RUBCN: variants seen among roughly 807,000 people sequenced by gnomAD.
RUBCN encodes the protein rubicon autophagy regulator.
RUBCN carries 74 observed loss-of-function variants against 113.2 expected under a neutral mutation model. That is an observed-to-expected ratio of 0.65 (90% confidence interval 0.54 to 0.79). The LOEUF is 0.79. Ranked by LOEUF, RUBCN falls within the 30% of genes least tolerant of loss-of-function variation. The probability of loss-of-function intolerance (pLI) is 0.00; values close to 1 mark genes in which losing one functional copy is unlikely to be tolerated. For missense variants in RUBCN, 1,109 were observed against 1,251.7 expected, an observed-to-expected ratio of 0.89 and a Z score of 1.72; for synonymous variants, 480 against 490.0, an observed-to-expected ratio of 0.98 and a Z score of 0.27.
rs1184007203 is a variant in RUBCN, at chr3:197,674,519, G to C, written c.*499C>G. On this transcript the variant is annotated 3_prime_UTR_variant, in exon 20 of 20. Coordinates refer to ENST00000296343, the MANE Select transcript of RUBCN (RefSeq NM_014687.4). ...CCATGACGTAGTCCTATTCTCTGCT[G>C]CTTCTCCTCGGGGCACAGTCTGACC... 2 of 514,006 alleles carry C rather than the reference G, an allele frequency of 3.9e-6. No homozygotes were observed. The highest frequency in any genetic ancestry group is 8.0e-6 in the Non-Finnish European group (2 of 250,298). The allele number at this position is 514,006 out of a possible 1,614,324, so 31.8% of individuals were successfully genotyped here.
intron 2 of RUBCN, among the ~76,000 whole-genome samples, chr3:197,717,265 A>C (rs761662965): frequency 6.6e-6 from 1 of 151,874 alleles, no homozygotes; most frequent in Non-Finnish European, 1.5e-5. Context: ...AACACGGTGA[A>C]ACCCCGTCTC....
At chr3:197,693,877 A>G (rs951959052) in intron 10 of RUBCN, 61 bp from the exon 11 acceptor site, 10 of 1,115,782 alleles carry the variant, frequency 9.0e-6, no homozygotes, top group Non-Finnish European at 1.2e-5. Context: ...TTGTCCTTCC[A>G]GTGTCACAAT....
At chr3:197,722,446 A>G (rs1726272353) in intron 1 of RUBCN, among the ~76,000 whole-genome samples, 1 of 151,832 alleles carries the variant, frequency 6.6e-6, no homozygotes. Flanking sequence ...ATATAGTTTA[A>G]CACTGCTGTT....
At chr3:197,676,512 C>A in intron 18 of RUBCN, 1 of 772,024 alleles carries the variant, frequency 1.3e-6, no homozygotes, top group Non-Finnish European at 1.7e-6. Context: ...GGGGTTTCAT[C>A]ATGTTCGTCA....
At position 197,703,662 on chromosome 3, in the gene RUBCN, G is replaced by C. The variant is rs1361350395; in HGVS notation, c.464-8C>G. On this transcript the variant is annotated splice_polypyrimidine_tract_variant and splice_region_variant and intron_variant, in intron 4 of 19. Transcript: ENST00000296343. ...TTAGCAGGAAGGCAGCATCTGGGGA[G>C]AGAAAAGCTGCCACAGTGATAGAGC... is the stretch of plus-strand genomic sequence containing the variant. 8 of 1,589,032 alleles carry C rather than the reference G, an allele frequency of 5.0e-6. No individual in the cohort carries two copies. The highest frequency in any genetic ancestry group is 6.9e-6 in the Non-Finnish European group (8 of 1,157,892).
chr3:197,717,156 T>C (rs552413102), intron 2 of RUBCN, among the ~76,000 whole-genome samples: 5 of 145,620 alleles, frequency 3.4e-5, no homozygotes, highest in East Asian at 2.1e-4. Context: ...GGCAGAGAGC[T>C]GGGTGCGGTG....
Position 197,674,939 on chromosome 3 carries a change from T to C in RUBCN, c.*79A>G. 2.2e-6 allele frequency: 2 copies of C among 921,186 alleles called. No individual in the cohort carries two copies. Among genetic ancestry groups the C allele is most frequent in the Non-Finnish European group, 2.9e-6 (2 of 694,948 alleles). The allele number at this position is 921,186 out of a possible 1,614,324, so 57.1% of individuals were successfully genotyped here. ...AAAAAAAAAAAAAAGAAGCCCCAGG[T>C]GGGGCGAGTCCTTCAAAGAGTGGCT... is the stretch of plus-strand genomic sequence containing the variant. On this transcript the variant is annotated 3_prime_UTR_variant, in exon 20 of 20. Transcript: ENST00000296343.
At chr3:197,747,942 T>A (rs1728821371) in intron 1 of RUBCN, among the ~76,000 whole-genome samples, 1 of 151,458 alleles carries the variant, frequency 6.6e-6, no homozygotes, top group Admixed American at 6.6e-5. Flanking sequence ...TTTTTTTTTT[T>A]TTTATTTGAG....
intron 1 of RUBCN, among the ~76,000 whole-genome samples, chr3:197,724,746 A>G (rs1726539811): frequency 6.6e-6 from 1 of 152,260 alleles, no homozygotes; most frequent in Non-Finnish European, 1.5e-5. Flanking sequence ...TATAAAAAGC[A>G]GAATGTAAAA....
At chr3:197,717,254 T>TAA (rs1725631802) in intron 2 of RUBCN, among the ~76,000 whole-genome samples, 2 of 151,470 alleles carry the variant, frequency 1.3e-5, no homozygotes, top group Non-Finnish European at 2.9e-5. Flanking sequence ...CCATCCTGGC[T>TAA]AACACGGTGA....
intron 1 of RUBCN, among the ~76,000 whole-genome samples, chr3:197,748,603 T>C (rs1728861903): frequency 6.6e-6 from 1 of 152,234 alleles, no homozygotes; most frequent in Admixed American, 6.5e-5. Context: ...GGAAACATAA[T>C]CTGTGTGAAG....
At chr3:197,721,000 C>T (rs1344224663) in intron 1 of RUBCN, among the ~76,000 whole-genome samples, 11 of 151,768 alleles carry the variant, frequency 7.2e-5, no homozygotes, top group African/African-American at 2.2e-4. Flanking sequence ...TAATGTGCAG[C>T]GATTAGATTT....
At position 197,700,960 on chromosome 3, in the gene RUBCN, G is replaced by A; in HGVS notation, c.914C>T (p.Ala305Val). The A allele has an allele frequency of 6.2e-7, 1 of 1,614,220 alleles. No homozygotes were observed. The highest frequency in any genetic ancestry group is 1.1e-5 in the South Asian group (1 of 91,084). The change falls in exon 7 of 20, where the codon GCA (alanine) becomes GTA (valine). Residue 305 changes from alanine (A) to valine (V), a missense_variant. Transcript: ENST00000296343. ...ATCATTCTGGCTGCTGACCCAGGAT[G>A]CCTCTATGGGGCTGGTCAGAGTACT... Reference protein sequence around the residue: ...SSSTLTSPIEASWVSSQNDSP... With the variant: ...SSSTLTSPIEVSWVSSQNDSP...
rs1456101283 is a variant in RUBCN at position 197,697,035 on chromosome 3, T to C, written c.1276A>G (p.Lys426Glu). 6.3e-7 allele frequency: 1 copy of C among 1,589,676 alleles called. No individual in the cohort carries two copies. The highest frequency in any genetic ancestry group is 8.6e-7 in the Non-Finnish European group (1 of 1,157,764). Residue 426 changes from lysine (K) to glutamate (E), a missense_variant, in exon 8 of 20, where the codon AAG becomes GAG. Lys to Glu is a moderately conservative substitution (Grantham distance 56). Coordinates refer to ENST00000296343, the MANE Select transcript of RUBCN (RefSeq NM_014687.4). ...GGCAAAGGGCCTCTCAACTTCGCCT[T>C]ATCATTGCAGGATTCTAATGACGAT... The part of the protein sequence containing the change: ...SRGAPESCND[K>E]AKLRGPLPYS...
Position 197,701,805 on chromosome 3 carries a change from C to T in RUBCN, c.630G>A (p.Leu210=). The change falls in exon 6 of 20, where the codon CTG becomes CTA. Residue 210 remains leucine, a synonymous_variant. Transcript: ENST00000296343. ...LVTKSQSLTA[L]PSSTYTPPNS... is the part of the protein sequence containing the mutation. ...TTGGAGGGGTGTATGTGGAACTGGGCAGGGCTGTCAGGCTCTGGCTCTTTG... is the reference window on the plus strand; with the variant it reads ...TTGGAGGGGTGTATGTGGAACTGGGTAGGGCTGTCAGGCTCTGGCTCTTTG... 6.2e-7 allele frequency: 1 copy of T among 1,614,156 alleles called. No individual in the cohort carries two copies. Among genetic ancestry groups the T allele is most frequent in the Non-Finnish European group, 8.5e-7 (1 of 1,179,992 alleles).
At chr3:197,724,159 T>C (rs1726475672) in intron 1 of RUBCN, among the ~76,000 whole-genome samples, 1 of 152,150 alleles carries the variant, frequency 6.6e-6, no homozygotes, top group African/African-American at 2.4e-5. Context: ...ATCCCTCCTT[T>C]AAAGAGGAAC....
In RUBCN at chr3:197,681,922, C is replaced by A. The variant is rs745598513; in HGVS notation, c.2127-23G>T. The A allele has an allele frequency of 6.2e-7, 1 of 1,603,326 alleles. No individual in the cohort carries two copies. The highest frequency in any genetic ancestry group is 8.5e-7 in the Non-Finnish European group (1 of 1,170,398). ...CTCCTGAGGAAGGGTAAGGACAGGG[C>A]ATTGGCACAGAGCAGCTGCGTGAGA... On this transcript the variant is annotated intron_variant, in intron 14 of 19. Coordinates refer to ENST00000296343, the MANE Select transcript of RUBCN (RefSeq NM_014687.4). The surrounding 1 kb of genome is among the most constrained non-coding windows in gnomAD (Gnocchi z 5.5).
rs971043500 is a variant in RUBCN, at chr3:197,723,806, C to G, written c.66-5676G>C. Among the ~76,000 whole-genome samples, 5 of 152,098 alleles carry G rather than the reference C, an allele frequency of 3.3e-5. No homozygotes were observed. The East Asian group carries it at 9.6e-4, about 29-fold the overall frequency. On this transcript the variant is annotated intron_variant, in intron 1 of 19. Coordinates refer to ENST00000296343, the MANE Select transcript of RUBCN (RefSeq NM_014687.4). ...GATCACAATGGAGAAATAAAATATC[C>G]TTTCCCAGCCAGGCGCAGTGGCTCA...
Position 197,696,992 on chromosome 3 carries a change from C to T in RUBCN, c.1319G>A (p.Ser440Asn). Residue 440 changes from serine to asparagine, a missense_variant, in exon 8 of 20, where the codon AGT (serine) becomes AAT (asparagine). Transcript: ENST00000296343. The stretch of plus-strand genomic sequence containing the variant: ...CAGAGAGCTGGGTGTGCTGACTTCA[C>T]TGCTTTGACCAGAGTAGGGCAAAGG... ...RGPLPYSGQS[S>N]EVSTPSSLYM... 1 of 1,610,700 alleles carries T rather than the reference C, an allele frequency of 6.2e-7. No individual in the cohort carries two copies. Among genetic ancestry groups the T allele is most frequent in the African/African-American group, 1.3e-5 (1 of 74,950 alleles).
Sources: allele counts gnomAD v4.1 joint callset (sites outside exome capture counted in the v4.1 genomes callset), GRCh38; gene constraint gnomAD v4.1.1; non-coding constraint Gnocchi (gnomAD v3.1); transcripts MANE v1.5; gene names NCBI Gene and HGNC (gene_info 2026-07-23, HGNC 2026-07-21).